The following DLGAP2 variants were observed in gnomAD, a reference collection of about 807,000 sequenced individuals.
DLGAP2 encodes the protein disks large-associated protein 2.
Under a neutral mutation model 100.3 loss-of-function variants are expected in DLGAP2, and 26 were observed. The observed-to-expected ratio is 0.26, with a 90% CI of 0.19 to 0.36. DLGAP2 has a LOEUF of 0.36. Among genes scored for constraint, DLGAP2 ranks in the 10% least tolerant of loss-of-function variants. The pLI, the probability that DLGAP2 is intolerant of heterozygous loss-of-function variation, is 1.00. For missense variants in DLGAP2, 1,858 were observed against 1,453.2 expected (o/e 1.28, Z -4.53); for synonymous variants, 886 against 630.1 (o/e 1.41, Z -6.08).
chr8:997,967 G>A (rs11779750), intron 2 of DLGAP2, among the ~76,000 whole-genome samples: 217 of 114,222 alleles, frequency 1.9e-3, no homozygotes, highest in Admixed American at 4.1e-3. Context: ...ATGCATACAC[G>A]CATGCATGTA....
chr8:832,879 T>C (rs1287848164), intron 1 of DLGAP2, among the ~76,000 whole-genome samples: 2 of 152,110 alleles, frequency 1.3e-5, no homozygotes, highest in Non-Finnish European at 2.9e-5. Context: ...ACGGGGTGTA[T>C]GGACATGGGG....
rs57448922 is a variant in DLGAP2 at position 1,422,770 on chromosome 8, C to T, written c.107-78596C>T. On this transcript the variant is annotated intron_variant, in intron 3 of 14. Coordinates refer to ENST00000637795, the MANE Select transcript of DLGAP2 (RefSeq NM_001346810.2). Reference sequence around the variant, plus strand: ...TTGGGGGTGGGGGAATGTGTCCTTTCGTTAGCAGGGGAAAGGCTGAGGGCA... The same window carrying T: ...TTGGGGGTGGGGGAATGTGTCCTTTTGTTAGCAGGGGAAAGGCTGAGGGCA... Among the ~76,000 whole-genome samples the T allele has an allele frequency of 6.0e-3, 916 of 152,150 alleles. 13 individuals carry two copies. The highest frequency in any genetic ancestry group is 0.02 in the African/African-American group (842 of 41,518).
At chr8:1,631,638 G>T (rs937886371) in intron 7 of DLGAP2, among the ~76,000 whole-genome samples, 1 of 152,206 alleles carries the variant, frequency 6.6e-6, no homozygotes, top group Admixed American at 6.5e-5. Context: ...CGCCGGCATT[G>T]TGCCAACTCT....
rs147601260 is a variant in DLGAP2 at position 1,274,856 on chromosome 8, C to G, written c.106+15973C>G. Among the ~76,000 whole-genome samples the G allele has an allele frequency of 2.4e-3, 368 of 152,042 alleles. 2 individuals carry two copies. The highest frequency in any genetic ancestry group is 8.5e-3 in the African/African-American group (354 of 41,490). On this transcript the variant is annotated intron_variant, in intron 3 of 14. Transcript: ENST00000637795. ...TCTCTTAACTCATCAACTTAAAATG[C>G]TCTCTGGCTTTAATTCCTTCGGTAG...
intron 1 of DLGAP2, among the ~76,000 whole-genome samples, chr8:841,705 T>A (rs763271897): frequency 2.6e-5 from 4 of 152,126 alleles, no homozygotes; most frequent in Non-Finnish European, 5.9e-5. Flanking sequence ...CCTCAGCCTC[T>A]GAGTAGCTGG....
chr8:1,273,873 T>G (rs1450669857), intron 3 of DLGAP2, among the ~76,000 whole-genome samples: 1 of 152,184 alleles, frequency 6.6e-6, no homozygotes, highest in Non-Finnish European at 1.5e-5. Context: ...TAAATGAAAT[T>G]TATGGACTTT....
rs185430444 is a variant in DLGAP2, at chr8:1,187,026, C to T, written c.74-71825C>T. Among the ~76,000 whole-genome samples the T allele has an allele frequency of 5.6e-3, 852 of 151,594 alleles. 5 individuals are homozygous for T. The highest frequency in any genetic ancestry group is 8.2e-3 in the Non-Finnish European group (556 of 68,026). On this transcript the variant is annotated intron_variant, in intron 2 of 14. Coordinates refer to ENST00000637795, the MANE Select transcript of DLGAP2 (RefSeq NM_001346810.2). ...GCCCGGCCTCAGTGCAGGTGGCGGT[C>T]GTGGGCCTTTCCCAGGCCCCAGAAT...
chr8:1,550,898 A>G (rs1355724649), intron 5 of DLGAP2, among the ~76,000 whole-genome samples: 1 of 152,228 alleles, frequency 6.6e-6, no homozygotes, highest in East Asian at 1.9e-4. Flanking sequence ...TTGCTTGCCT[A>G]GAGCAGCGGC....
intron 2 of DLGAP2, among the ~76,000 whole-genome samples, chr8:1,195,530 C>G (rs978890920): frequency 4.6e-5 from 7 of 152,224 alleles, no homozygotes; most frequent in African/African-American, 1.4e-4. Context: ...TGCTTGCTGC[C>G]TATCCAATTA....
intron 1 of DLGAP2, among the ~76,000 whole-genome samples, chr8:848,793 G>A (rs1489890891): frequency 2.7e-5 from 4 of 145,992 alleles, no homozygotes; most frequent in Non-Finnish European, 3.0e-5. Flanking sequence ...CGTGCGGTGC[G>A]TGTTCCAGTG....
intron 3 of DLGAP2, among the ~76,000 whole-genome samples, chr8:1,367,537 G>C (rs946672729): frequency 6.6e-6 from 1 of 152,344 alleles, no homozygotes; most frequent in Middle Eastern, 3.4e-3. Flanking sequence ...GGGGGCCGCA[G>C]AGGACAGTGG....
intron 2 of DLGAP2, among the ~76,000 whole-genome samples, chr8:1,174,184 C>A (rs1167552539): frequency 6.6e-6 from 1 of 152,058 alleles, no homozygotes; most frequent in Non-Finnish European, 1.5e-5. Flanking sequence ...GGTACATTTT[C>A]CAGGATTCTA....
chr8:1,482,193 G>A (rs1179846123), intron 3 of DLGAP2, among the ~76,000 whole-genome samples: 2 of 152,220 alleles, frequency 1.3e-5, no homozygotes, highest in Non-Finnish European at 2.9e-5. Flanking sequence ...GAACGTGTGG[G>A]TTTTAAGGAT....
intron 2 of DLGAP2, chr8:1,247,164 GTGTGGGAGTGATGGCCCA>G (rs1798926036): frequency 6.5e-6 from 1 of 153,514 alleles, no homozygotes. Flanking sequence ...TTTGAGATCA[GTGTGGGAGTGATGGCCCA>G]CGTCGGTGGC....
In DLGAP2 at chr8:1,097,547, G is replaced by T. The variant is rs1379642492; in HGVS notation, c.74-161304G>T. Among the ~76,000 whole-genome samples, 3 of 140,244 alleles carry T rather than the reference G, an allele frequency of 2.1e-5. No homozygotes were observed. In the East Asian group the frequency reaches 6.7e-4, roughly 31 times the overall value. The allele number at this position is 140,244 out of a possible 152,430, so 92.0% of individuals were successfully genotyped here. A position where few individuals can be genotyped will look rare whatever the true frequency, so the allele number is the denominator to read the frequency against. ...CGTGAGACCCACCTCCCTCTGCTCA[G>T]TAGAGTGGAGCTGGGAGCCCGGGGC... On this transcript the variant is annotated intron_variant, in intron 2 of 14. Coordinates refer to ENST00000637795, the MANE Select transcript of DLGAP2 (RefSeq NM_001346810.2).
At chr8:965,761 C>G (rs997772370) in intron 2 of DLGAP2, among the ~76,000 whole-genome samples, 1 of 137,746 alleles carries the variant, frequency 7.3e-6, no homozygotes, top group African/African-American at 2.8e-5. Context: ...CTGAGTCTGA[C>G]CCCTGCGCTG....
chr8:1,508,024 G>A (rs956458873), intron 4 of DLGAP2, among the ~76,000 whole-genome samples: 9 of 151,818 alleles, frequency 5.9e-5, no homozygotes, highest in African/African-American at 1.9e-4. Context: ...TGCAGGGGAG[G>A]GTCATTGTCA....
chr8:1,001,546 G>C (rs931497370), intron 2 of DLGAP2, among the ~76,000 whole-genome samples: 4 of 152,168 alleles, frequency 2.6e-5, no homozygotes, highest in Non-Finnish European at 5.9e-5. Context: ...AAGGTGTCAT[G>C]AAACCTCAAA....
intron 2 of DLGAP2, among the ~76,000 whole-genome samples, chr8:1,046,843 T>A (rs1802529442): frequency 6.6e-6 from 1 of 152,244 alleles, no homozygotes; most frequent in African/African-American, 2.4e-5. Flanking sequence ...CCCCCCTTTT[T>A]TTTTTCTGCC....
Sources: allele counts gnomAD v4.1 joint callset (sites outside exome capture counted in the v4.1 genomes callset), GRCh38; gene constraint gnomAD v4.1.1; transcripts MANE v1.5; gene names NCBI Gene and HGNC (gene_info 2026-07-23, HGNC 2026-07-21).